Variants in LYPLAL1 observed in about 807,000 individuals in gnomAD.
LYPLAL1 encodes the protein lysophospholipase like 1.
LYPLAL1 carries 23 observed loss-of-function variants against 19.7 expected under a neutral mutation model. The observed-to-expected ratio is 1.17, with a 90% CI of 0.84 to 1.65. LYPLAL1 has a LOEUF of 1.65. LYPLAL1 is among the 40% of genes most tolerant of loss of function. The pLI, the probability that LYPLAL1 is intolerant of heterozygous loss-of-function variation, is 0.00. For missense variants in LYPLAL1, 355 were observed against 279.4 expected, an observed-to-expected ratio of 1.27 and a Z score of -1.93; for synonymous variants, 119 against 96.3, an observed-to-expected ratio of 1.24 and a Z score of -1.38.
At chr1:219,415,960 C>T in the LYPLAL1 span, among the ~76,000 whole-genome samples, 61 of 152,216 alleles carry the variant, frequency 4.0e-4, no homozygotes, top group African/African-American at 1.3e-3. Context: ...AGTCATTTTT[C>T]GTCAGTTTTG....
At chr1:219,416,066 T>A in the LYPLAL1 span, among the ~76,000 whole-genome samples, 1 of 152,226 alleles carries the variant, frequency 6.6e-6, no homozygotes, top group Non-Finnish European at 1.5e-5. Context: ...ATGATAGAGT[T>A]CCCATATACT....
At chr1:219,420,965 T>C in the LYPLAL1 span, among the ~76,000 whole-genome samples, 1 of 152,324 alleles carries the variant, frequency 6.6e-6, no homozygotes, top group South Asian at 2.1e-4. Context: ...TTTGGAAATA[T>C]ATCAGTTATT....
chr1:219,327,653 G>A, the LYPLAL1 span, among the ~76,000 whole-genome samples: 5 of 152,150 alleles, frequency 3.3e-5, no homozygotes, highest in Non-Finnish European at 5.9e-5. Context: ...GTTTGGCTGT[G>A]TCCCCACTGA....
chr1:219,382,872 T>TC, the LYPLAL1 span, among the ~76,000 whole-genome samples: 1 of 151,912 alleles, frequency 6.6e-6, no homozygotes, highest in African/African-American at 2.4e-5. Context: ...TTTTGTTTTT[T>TC]TTTTCAAAAA....
chr1:219,437,302 T>C, the LYPLAL1 span: 1 of 152,398 alleles, frequency 6.6e-6, no homozygotes, highest in Non-Finnish European at 1.5e-5. Flanking sequence ...TTCCATGTTC[T>C]GCCCATCATC....
At chr1:219,416,702 G>T in the LYPLAL1 span, among the ~76,000 whole-genome samples, 5 of 152,310 alleles carry the variant, frequency 3.3e-5, no homozygotes, top group South Asian at 6.2e-4. Context: ...ACAGAAAGGG[G>T]TGGTAACTTC....
At chr1:219,174,170 C>T (rs1400304073) in intron 1 of LYPLAL1, 189 bp downstream of exon 1, 12 of 1,428,484 alleles carry the variant, frequency 8.4e-6, no homozygotes, top group East Asian at 2.5e-5. Flanking sequence ...CGTTAGTCTT[C>T]CTCTTTCTAT....
At chr1:219,386,385 CAAT>C in the LYPLAL1 span, among the ~76,000 whole-genome samples, 4 of 152,134 alleles carry the variant, frequency 2.6e-5, no homozygotes, top group Non-Finnish European at 5.9e-5. Flanking sequence ...TTATCATAAC[CAAT>C]ATATTTCCCT....
At chr1:219,356,175 A>G in the LYPLAL1 span, among the ~76,000 whole-genome samples, 1 of 152,196 alleles carries the variant, frequency 6.6e-6, no homozygotes, top group Non-Finnish European at 1.5e-5. Flanking sequence ...GAAAATTTAA[A>G]TAAATAAATA....
chr1:219,245,493 T>C, the LYPLAL1 span, among the ~76,000 whole-genome samples: 1 of 152,122 alleles, frequency 6.6e-6, no homozygotes, highest in Non-Finnish European at 1.5e-5. Context: ...GAATGATAAA[T>C]TGGAAGAATG....
chr1:219,319,020 A>G, the LYPLAL1 span, among the ~76,000 whole-genome samples: 5,772 of 152,244 alleles, frequency 0.038, 249 homozygotes, highest in East Asian at 0.22. Context: ...TATCGCAGTT[A>G]TCTTTTTTTT....
the LYPLAL1 span, among the ~76,000 whole-genome samples, chr1:219,236,849 C>A: frequency 6.6e-6 from 1 of 152,222 alleles, no homozygotes; most frequent in East Asian, 1.9e-4. Flanking sequence ...ACCTATCAAC[C>A]CAACACCTCG....
chr1:219,243,618 TA>T, the LYPLAL1 span, among the ~76,000 whole-genome samples: 5 of 151,570 alleles, frequency 3.3e-5, no homozygotes, highest in Admixed American at 6.6e-5. Context: ...ATAGCTGTTT[TA>T]AAAAAAAATT....
chr1:219,376,430 T>C, the LYPLAL1 span, among the ~76,000 whole-genome samples: 1 of 152,150 alleles, frequency 6.6e-6, no homozygotes, highest in Non-Finnish European at 1.5e-5. Flanking sequence ...AGCAGTGATT[T>C]CTTGAATATG....
At chr1:219,310,856 C>T in the LYPLAL1 span, among the ~76,000 whole-genome samples, 1 of 152,200 alleles carries the variant, frequency 6.6e-6, no homozygotes, top group African/African-American at 2.4e-5. Context: ...TCTATCTTCT[C>T]TTGGAAAATT....
chr1:219,376,482 A>C, the LYPLAL1 span, among the ~76,000 whole-genome samples: 1 of 152,196 alleles, frequency 6.6e-6, no homozygotes, highest in African/African-American at 2.4e-5. Flanking sequence ...CAATTGAATT[A>C]CTGTTGAAAA....
At chr1:219,175,203 AGCTC>A in intron 1 of LYPLAL1, 1 of 615,540 alleles carries the variant, frequency 1.6e-6, no homozygotes, top group Non-Finnish European at 2.0e-6. Context: ...TAGAACCCAA[AGCTC>A]TCCGACCTCA....
At chr1:219,331,314 G>A in the LYPLAL1 span, among the ~76,000 whole-genome samples, 9 of 152,148 alleles carry the variant, frequency 5.9e-5, no homozygotes, top group South Asian at 4.1e-4. Context: ...CAATAATGTC[G>A]CATAATAAGC....
the LYPLAL1 span, among the ~76,000 whole-genome samples, chr1:219,412,250 A>G: frequency 6.6e-6 from 1 of 151,626 alleles, no homozygotes; most frequent in Non-Finnish European, 1.5e-5. Context: ...CTGGTTTCAA[A>G]CTCCTGATCT....
Sources: allele counts gnomAD v4.1 joint callset (sites outside exome capture counted in the v4.1 genomes callset), GRCh38; gene constraint gnomAD v4.1.1; transcripts MANE v1.5; gene names NCBI Gene and HGNC (gene_info 2026-07-23, HGNC 2026-07-21).